PPARGC1B: variants seen among roughly 807,000 people sequenced by gnomAD.
PPARGC1B encodes the protein PPARG coactivator 1 beta.
PPARGC1B carries 34 observed loss-of-function variants against 101.6 expected under a neutral mutation model. That is an observed-to-expected ratio of 0.33 (90% CI 0.25 to 0.45). The LOEUF (loss-of-function observed/expected upper bound fraction) is 0.45. Among genes scored for constraint, PPARGC1B ranks in the 20% least tolerant of loss-of-function variants. The pLI is 1.00. For missense variants in PPARGC1B, 1,234 were observed against 1,317.6 expected, an observed-to-expected ratio of 0.94 and a Z score of 0.98; for synonymous variants, 548 against 539.3, an observed-to-expected ratio of 1.02 and a Z score of -0.22.
At chr5:149,817,529 C>T in intron 1 of PPARGC1B, 1 of 339,574 alleles carries the variant, frequency 2.9e-6, no homozygotes, top group South Asian at 2.4e-5. Context: ...TGTTATCTTC[C>T]ATCAGTGCAC....
At chr5:149,857,100 C>T (rs896198505), downstream of PPARGC1B, among the ~76,000 whole-genome samples, 3 of 152,102 alleles carry the variant, frequency 2.0e-5, no homozygotes, top group East Asian at 1.9e-4. Context: ...AAACTTGGCT[C>T]TACCGCTTAT....
chr5:149,823,004 T>G (rs1758364778), intron 2 of PPARGC1B, among the ~76,000 whole-genome samples: 1 of 151,710 alleles, frequency 6.6e-6, no homozygotes, highest in African/African-American at 2.4e-5. Context: ...ACTGGGAGAG[T>G]AGAGAACAAG....
chr5:149,830,738 G>A (rs747702978), intron 3 of PPARGC1B, 29 bp from the exon 4 acceptor site: 39 of 1,557,670 alleles, frequency 2.5e-5, no homozygotes, highest in Middle Eastern at 1.7e-4. Flanking sequence ...GCTCAGCCCC[G>A]GCTCCTGTCC....
chr5:149,818,704 A>G, intron 1 of PPARGC1B: 1 of 384,578 alleles, frequency 2.6e-6, no homozygotes, highest in Admixed American at 2.9e-5. Context: ...TTCTCTGAGA[A>G]GTTCCCGCTC....
chr5:149,759,905 G>A (rs1755660912), intron 1 of PPARGC1B, among the ~76,000 whole-genome samples: 2 of 152,210 alleles, frequency 1.3e-5, no homozygotes, highest in African/African-American at 4.8e-5. Flanking sequence ...GCAGAGCTGG[G>A]ATTTGAACCC....
chr5:149,823,661 C>T (rs529769561), intron 2 of PPARGC1B, among the ~76,000 whole-genome samples: 8 of 152,276 alleles, frequency 5.3e-5, no homozygotes, highest in African/African-American at 1.9e-4. Context: ...GGTGGCACAG[C>T]TCCCTGGGAT....
At chr5:149,773,103 T>C (rs1451004626) in intron 1 of PPARGC1B, among the ~76,000 whole-genome samples, 1 of 152,186 alleles carries the variant, frequency 6.6e-6, no homozygotes, top group East Asian at 1.9e-4. Context: ...TGCCCATGCT[T>C]AGAGTTTTTG....
chr5:149,769,135 T>C (rs753718038), intron 1 of PPARGC1B, among the ~76,000 whole-genome samples: 3 of 152,220 alleles, frequency 2.0e-5, no homozygotes, highest in Non-Finnish European at 4.4e-5. Context: ...AATCTAGATC[T>C]CTTGCATGTG....
chr5:149,755,618 A>ATTG (rs1200129598), intron 1 of PPARGC1B, among the ~76,000 whole-genome samples: 2 of 5,970 alleles, frequency 3.4e-4, no homozygotes, highest in Non-Finnish European at 2.3e-3. Flanking sequence ...TATTATTGTT[A>ATTG]TTATTATTAT....
At chr5:149,838,776 C>A (rs1759215655) in intron 8 of PPARGC1B, among the ~76,000 whole-genome samples, 1 of 152,172 alleles carries the variant, frequency 6.6e-6, no homozygotes, top group African/African-American at 2.4e-5. Flanking sequence ...AATTGGGTAA[C>A]CTGGCTCCTG....
chr5:149,846,576 G>A (rs1759567301), intron 11 of PPARGC1B: 1 of 153,256 alleles, frequency 6.5e-6, no homozygotes, highest in Admixed American at 6.5e-5. Context: ...TGGAGCTGCA[G>A]TGAGCCATGA....
chr5:149,807,158 G>C (rs1757633555), intron 1 of PPARGC1B, among the ~76,000 whole-genome samples: 1 of 151,414 alleles, frequency 6.6e-6, no homozygotes, highest in Non-Finnish European at 1.5e-5. Context: ...TAGAGACAGG[G>C]TTTTGCCACG....
At chr5:149,755,388 G>C (rs1755479930) in intron 1 of PPARGC1B, among the ~76,000 whole-genome samples, 1 of 151,758 alleles carries the variant, frequency 6.6e-6, no homozygotes, top group South Asian at 2.1e-4. Context: ...CATCACACCT[G>C]TCTTTGGTTT....
rs147942373 is a variant in PPARGC1B at position 149,777,199 on chromosome 5, A to G, written c.79-43234A>G. On this transcript the variant is annotated intron_variant, in intron 1 of 11. Transcript: ENST00000309241. Reference sequence around the variant, plus strand: ...CTACGATTTATCAAAAGCACTTAGTATATGCCCTGGCTTTAGAGTCATTTT... The same window carrying G: ...CTACGATTTATCAAAAGCACTTAGTGTATGCCCTGGCTTTAGAGTCATTTT... 4.3e-3 allele frequency among the ~76,000 whole-genome samples: 660 copies of G among 152,280 alleles called. 25 individuals carry two copies. The highest frequency in any genetic ancestry group is 0.035 in the South Asian group (167 of 4,818).
chr5:149,839,158 G>A (rs1472719774), intron 8 of PPARGC1B, among the ~76,000 whole-genome samples: 1 of 152,206 alleles, frequency 6.6e-6, no homozygotes, highest in Non-Finnish European at 1.5e-5. Context: ...TATTTACGGA[G>A]CAGTTCCTGG....
chr5:149,809,477 CATAGATAGATAGATAGATAGATAG>C (rs70973546), intron 1 of PPARGC1B, among the ~76,000 whole-genome samples: 913 of 54,790 alleles, frequency 0.017, 34 homozygotes, highest in African/African-American at 0.051. Flanking sequence ...CCATCTCTAC[CATAGATAGATAGATAGATAGATAG>C]ATAGATAGAT....
chr5:149,840,239 G>A (rs1242304718), intron 9 of PPARGC1B, 123 bp downstream of exon 9: 3 of 791,880 alleles, frequency 3.8e-6, no homozygotes, highest in Admixed American at 5.8e-5. Context: ...GCCTCTGCCT[G>A]GGGAAGAAGG....
At chr5:149,815,953 C>G (rs762157816) in intron 1 of PPARGC1B, among the ~76,000 whole-genome samples, 1 of 152,160 alleles carries the variant, frequency 6.6e-6, no homozygotes, top group Non-Finnish European at 1.5e-5. Flanking sequence ...TTAGCATGGG[C>G]CTTGGCATCC....
downstream of PPARGC1B, among the ~76,000 whole-genome samples, chr5:149,857,359 A>G (rs1358580622): frequency 1.3e-5 from 2 of 152,098 alleles, no homozygotes; most frequent in African/African-American, 4.8e-5. Flanking sequence ...TTTTTTTGAC[A>G]GATTGGGAAG....
Sources: gnomAD v4.1 joint callset for allele counts (sites outside exome capture counted in the v4.1 genomes callset) on GRCh38, gnomAD v4.1.1 for gene constraint, MANE v1.5 for transcripts, NCBI Gene and HGNC (gene_info 2026-07-23, HGNC 2026-07-21) for gene names.